Variants in TRPC6 observed in about 807,000 individuals in gnomAD.
TRPC6 encodes the protein short transient receptor potential channel 6.
A neutral mutation model predicts 90.7 loss-of-function variants in TRPC6; 55 were observed. The observed-to-expected ratio is 0.61, with a 90% CI of 0.49 to 0.76. The LOEUF (loss-of-function observed/expected upper bound fraction) is 0.76. Ranked by LOEUF, TRPC6 falls within the 30% of genes least tolerant of loss-of-function variation. The pLI is 0.00. For synonymous variants in TRPC6, 393 were observed against 393.0 expected (o/e 1.00, Z 0.00); for missense variants, 989 against 1,122.7 (o/e 0.88, Z 1.70).
In TRPC6 at chr11:101,518,107, G is replaced by C. The variant is rs144298059; in HGVS notation, c.171-13309C>G. On this transcript the variant is annotated intron_variant, in intron 1 of 12. Coordinates refer to ENST00000344327, the MANE Select transcript of TRPC6 (RefSeq NM_004621.6). ...TATCTGCTCATGAGATGTTATTGTG[G>C]AACTTAATCAATAGAATCAGCCAGA... Among the ~76,000 whole-genome samples the C allele has an allele frequency of 4.5e-3, 682 of 152,268 alleles. 3 individuals carry two copies. The highest frequency in any genetic ancestry group is 5.7e-3 in the Non-Finnish European group (386 of 68,016).
chr11:101,565,833 T>C (rs1861816192), intron 1 of TRPC6, among the ~76,000 whole-genome samples: 1 of 152,150 alleles, frequency 6.6e-6, no homozygotes, highest in Non-Finnish European at 1.5e-5. Flanking sequence ...CAGTAACTGT[T>C]TCATAGGGAA....
intron 1 of TRPC6, among the ~76,000 whole-genome samples, chr11:101,533,308 G>C (rs1000281087): frequency 1.3e-5 from 2 of 152,158 alleles, no homozygotes; most frequent in Admixed American, 1.3e-4. Flanking sequence ...AATCATGGTG[G>C]AAGGCAAAGC....
At position 101,452,994 on chromosome 11, in the gene TRPC6, T is replaced by C. The variant is rs1565441092; in HGVS notation, c.2757A>G (p.Lys919=). The change falls in exon 13 of 13, where the codon AAA becomes AAG. Residue 919 remains lysine (K), a synonymous_variant. Transcript: ENST00000344327. The stretch of plus-strand genomic sequence containing the variant: ...CCTCTTGATTTGGTTCCATGGATAA[T>C]TTCTCTCCAAGTTCTCTAATAAGTT... ...LAELIRELGE[K]LSMEPNQEET... is the part of the protein sequence containing the mutation. The C allele has an allele frequency of 6.2e-7, 1 of 1,613,954 alleles. No homozygotes were observed. The highest frequency in any genetic ancestry group is 1.1e-5 in the South Asian group (1 of 91,074).
At chr11:101,485,664 GTTAT>G (rs1207989114) in intron 4 of TRPC6, among the ~76,000 whole-genome samples, 1 of 151,866 alleles carries the variant, frequency 6.6e-6, no homozygotes, top group Non-Finnish European at 1.5e-5. Flanking sequence ...TCATGAAAAA[GTTAT>G]TTATCACCTG....
chr11:101,492,234 T>C (rs1269444486), intron 2 of TRPC6, among the ~76,000 whole-genome samples: 1 of 152,094 alleles, frequency 6.6e-6, no homozygotes, highest in African/African-American at 2.4e-5. Flanking sequence ...ACATGAAGAT[T>C]TTCTTCATAC....
chr11:101,491,742 G>A lies in TRPC6; in HGVS notation c.946-4C>T. On this transcript the variant is annotated splice_polypyrimidine_tract_variant and splice_region_variant and intron_variant, in intron 2 of 12. Coordinates refer to ENST00000344327, the MANE Select transcript of TRPC6 (RefSeq NM_004621.6). ...TTGACAGTTTTTTGTAGTCATTCTA[G>A]GAAAAACAAAGCAAAACAAAAGCAA... 1 of 1,607,968 alleles carries A rather than the reference G, an allele frequency of 6.2e-7. No homozygotes were observed. Among genetic ancestry groups the A allele is most frequent in the Admixed American group, 1.7e-5 (1 of 59,754 alleles).
At chr11:101,548,874 C>T (rs1025981468) in intron 1 of TRPC6, among the ~76,000 whole-genome samples, 9 of 151,772 alleles carry the variant, frequency 5.9e-5, no homozygotes, top group African/African-American at 2.2e-4. Flanking sequence ...TATAATTTTG[C>T]TTTGTCAAAA....
intron 2 of TRPC6, among the ~76,000 whole-genome samples, chr11:101,503,450 T>G (rs1385597722): frequency 6.6e-6 from 1 of 152,204 alleles, no homozygotes; most frequent in Admixed American, 6.6e-5. Context: ...CTAACAGGAA[T>G]TAAATATTGT....
intron 1 of TRPC6, among the ~76,000 whole-genome samples, chr11:101,538,903 A>G (rs930512218): frequency 4.6e-5 from 7 of 152,216 alleles, no homozygotes; most frequent in Non-Finnish European, 8.8e-5. Context: ...TTCTGCCATC[A>G]GCCTGAATGA....
At chr11:101,558,290 CATGTATAT>C (rs1861620020) in intron 1 of TRPC6, among the ~76,000 whole-genome samples, 1 of 126,000 alleles carries the variant, frequency 7.9e-6, no homozygotes, top group Non-Finnish European at 1.6e-5. Context: ...TATATGTATA[CATGTATAT>C]GGGTATACAT....
At chr11:101,471,499 C>A in intron 8 of TRPC6, 113 bp from the exon 9 acceptor site, 1 of 1,087,898 alleles carries the variant, frequency 9.2e-7, no homozygotes. Flanking sequence ...CTCTCAGACC[C>A]CAGTGATCGT....
At chr11:101,506,912 C>T (rs1438747493) in intron 1 of TRPC6, among the ~76,000 whole-genome samples, 1 of 151,576 alleles carries the variant, frequency 6.6e-6, no homozygotes, top group African/African-American at 2.4e-5. Context: ...AACCACATAG[C>T]TTTGGTTATA....
At chr11:101,574,376 C>G (rs1862030886) in intron 1 of TRPC6, among the ~76,000 whole-genome samples, 1 of 151,012 alleles carries the variant, frequency 6.6e-6, no homozygotes. Context: ...AAATAAAAAT[C>G]TAAGATATAA....
At chr11:101,481,819 A>G (rs764221214) in intron 5 of TRPC6, among the ~76,000 whole-genome samples, 9 of 152,084 alleles carry the variant, frequency 5.9e-5, no homozygotes, top group Non-Finnish European at 1.3e-4. Flanking sequence ...CAAATCACCA[A>G]TTGCTGAAAA....
chr11:101,457,915 G>T (rs1445252093), intron 10 of TRPC6, among the ~76,000 whole-genome samples: 1 of 152,082 alleles, frequency 6.6e-6, no homozygotes, highest in Non-Finnish European at 1.5e-5. Flanking sequence ...CTATTTCATG[G>T]TTAACTTTAA....
chr11:101,553,099 GAAGT>G (rs1190158864), intron 1 of TRPC6, among the ~76,000 whole-genome samples: 2 of 152,172 alleles, frequency 1.3e-5, no homozygotes, highest in Middle Eastern at 3.4e-3. Flanking sequence ...GTATTAATGG[GAAGT>G]AAGATAGGTG....
In TRPC6 at chr11:101,469,427, C is replaced by T; in HGVS notation, c.2484G>A (p.Gln828=). 1 of 770,614 alleles carries T rather than the reference C, an allele frequency of 1.3e-6. No individual in the cohort carries two copies. Among genetic ancestry groups the T allele is most frequent in the Non-Finnish European group, 2.4e-6 (1 of 412,344 alleles). The allele number at this position is 770,614 out of a possible 1,614,324, so 47.7% of individuals were successfully genotyped here. ...TTCATATTTTCAAATATGAGCTTAC[C>T]TGTTTTTTGTCAAGTGATAATTTTG... ...DLSKLSLDKK[Q]VGHNKQPSIR... The change falls in exon 10 of 13, where the codon CAG becomes CAA. Residue 828 remains glutamine (Q), a splice_region_variant and synonymous_variant. Coordinates refer to ENST00000344327, the MANE Select transcript of TRPC6 (RefSeq NM_004621.6).
chr11:101,501,009 A>G (rs1388611262), intron 2 of TRPC6, among the ~76,000 whole-genome samples: 3 of 152,134 alleles, frequency 2.0e-5, no homozygotes, highest in Non-Finnish European at 4.4e-5. Flanking sequence ...GAAGACAAAA[A>G]ATAGGTATCA....
intron 1 of TRPC6, among the ~76,000 whole-genome samples, chr11:101,576,966 G>A: frequency 6.6e-6 from 1 of 152,148 alleles, no homozygotes; most frequent in East Asian, 1.9e-4. Flanking sequence ...CTTCAAGCCA[G>A]GGGAGGTTTC....
Sources: allele counts gnomAD v4.1 joint callset (sites outside exome capture counted in the v4.1 genomes callset), GRCh38; gene constraint gnomAD v4.1.1; transcripts MANE v1.5; gene names NCBI Gene and HGNC (gene_info 2026-07-23, HGNC 2026-07-21).